MIPOL1: variants seen among roughly 807,000 people sequenced by gnomAD.
MIPOL1 encodes mirror-image polydactyly gene 1 protein.
Under a neutral mutation model 60.9 loss-of-function variants are expected in MIPOL1, and 57 were observed. The ratio of observed to expected loss-of-function variants is 0.94; its 90% CI spans 0.76 to 1.17. The LOEUF (loss-of-function observed/expected upper bound fraction) is 1.17, where lower values mean the gene tolerates loss of function less well. Among genes scored for constraint, MIPOL1 ranks in the 50% most tolerant of loss-of-function variants. MIPOL1 has a pLI of 0.00. For missense variants in MIPOL1, 551 were observed against 511.6 expected (o/e 1.08, Z -0.74); for synonymous variants, 179 against 168.8 (o/e 1.06, Z -0.47).
intron 3 of MIPOL1, among the ~76,000 whole-genome samples, chr14:37,248,207 CA>C (rs1973489818): frequency 6.6e-6 from 1 of 151,660 alleles, no homozygotes; most frequent in Non-Finnish European, 1.5e-5. Context: ...AACACGCCTA[CA>C]TACAAAGAGA....
At chr14:37,226,304 A>G (rs956506010) in intron 1 of MIPOL1, among the ~76,000 whole-genome samples, 1 of 152,230 alleles carries the variant, frequency 6.6e-6, no homozygotes, top group Non-Finnish European at 1.5e-5. Context: ...TGATAAAGGC[A>G]CACCCAAGAC....
chr14:37,414,157 C>A (rs191024499), intron 10 of MIPOL1, among the ~76,000 whole-genome samples: 11 of 152,170 alleles, frequency 7.2e-5, no homozygotes, highest in East Asian at 1.9e-4. Context: ...ATAATATAAT[C>A]TTTAATAATA....
chr14:37,474,347 GT>G (rs1298349172), intron 11 of MIPOL1, among the ~76,000 whole-genome samples: 4 of 152,134 alleles, frequency 2.6e-5, no homozygotes, highest in African/African-American at 9.7e-5. Flanking sequence ...ATCCAGAATT[GT>G]AGCTCCCGTA....
At chr14:37,216,186 A>G (rs1441151325) in intron 1 of MIPOL1, among the ~76,000 whole-genome samples, 1 of 152,202 alleles carries the variant, frequency 6.6e-6, no homozygotes, top group Non-Finnish European at 1.5e-5. Flanking sequence ...ATGAAAAGAG[A>G]CAATGTCACT....
chr14:37,395,700 C>T (rs1317355735), intron 10 of MIPOL1, among the ~76,000 whole-genome samples: 2 of 152,118 alleles, frequency 1.3e-5, no homozygotes, highest in Non-Finnish European at 2.9e-5. Flanking sequence ...ATATCGTCAG[C>T]AAACAGTGAC....
At position 37,436,136 on chromosome 14, in the gene MIPOL1, T is replaced by C. The variant is rs2094159899; in HGVS notation, c.1031+13187T>C. Among the ~76,000 whole-genome samples, 6 of 152,274 alleles carry C rather than the reference T, an allele frequency of 3.9e-5. No individual in the cohort carries two copies. The South Asian group carries it at 1.2e-3, about 32-fold the overall frequency. On this transcript the variant is annotated intron_variant, in intron 11 of 12. Coordinates refer to ENST00000684589, the MANE Select transcript of MIPOL1 (RefSeq NM_001388067.1). Reference sequence around the variant, plus strand: ...TTTTACATGGCACTAATTCAAGCAGTTTTTAAAAGTAAAATAAGATGTTAA... The same window carrying C: ...TTTTACATGGCACTAATTCAAGCAGCTTTTAAAAGTAAAATAAGATGTTAA...
chr14:37,340,708 AG>A (rs1277259257), intron 9 of MIPOL1, among the ~76,000 whole-genome samples: 1 of 152,024 alleles, frequency 6.6e-6, no homozygotes, highest in African/African-American at 2.4e-5. Flanking sequence ...AAAAAAAAAA[AG>A]TTACAGTAAA....
chr14:37,323,952 T>C (rs1301491161), intron 9 of MIPOL1, among the ~76,000 whole-genome samples: 1 of 152,078 alleles, frequency 6.6e-6, no homozygotes, highest in African/African-American at 2.4e-5. Flanking sequence ...TTACATTTGT[T>C]GTTCATTCTC....
intron 1 of MIPOL1, among the ~76,000 whole-genome samples, chr14:37,225,023 A>T (rs1022434335): frequency 6.6e-6 from 1 of 152,188 alleles, no homozygotes; most frequent in African/African-American, 2.4e-5. Flanking sequence ...TTAAAGTTCC[A>T]GAATGATCTC....
intron 3 of MIPOL1, among the ~76,000 whole-genome samples, chr14:37,263,799 G>A (rs1425079247): frequency 6.6e-6 from 1 of 152,188 alleles, no homozygotes; most frequent in Non-Finnish European, 1.5e-5. Context: ...TTACTAAAGA[G>A]AGTTTCCGTT....
chr14:37,326,074 C>G (rs919481385), intron 9 of MIPOL1, among the ~76,000 whole-genome samples: 2 of 152,090 alleles, frequency 1.3e-5, no homozygotes, highest in African/African-American at 4.8e-5. Context: ...CTATTTTTAT[C>G]CCTTAATTCT....
At chr14:37,415,285 T>C (rs1035544613) in intron 10 of MIPOL1, among the ~76,000 whole-genome samples, 4 of 152,096 alleles carry the variant, frequency 2.6e-5, no homozygotes, top group African/African-American at 9.7e-5. Flanking sequence ...CTTGTACCAA[T>C]TTATTTAAAT....
intron 11 of MIPOL1, among the ~76,000 whole-genome samples, chr14:37,431,501 T>C (rs1055974644): frequency 1.3e-5 from 2 of 149,662 alleles, no homozygotes; most frequent in African/African-American, 2.4e-5. Context: ...ACATTACATA[T>C]ATAATAAAGT....
At chr14:37,328,532 A>G (rs1326619414) in intron 9 of MIPOL1, among the ~76,000 whole-genome samples, 1 of 152,242 alleles carries the variant, frequency 6.6e-6, no homozygotes, top group Non-Finnish European at 1.5e-5. Flanking sequence ...TTAAAAAAAT[A>G]TGCAAAATTC....
chr14:37,541,539 T>C (rs148150576), intron 12 of MIPOL1, among the ~76,000 whole-genome samples: 12 of 152,372 alleles, frequency 7.9e-5, no homozygotes, highest in African/African-American at 2.9e-4. Context: ...TAGCTTTAGC[T>C]AGATCATCAA....
intron 2 of MIPOL1, 81 bp from the exon 3 acceptor site, chr14:37,247,748 C>G: frequency 2.9e-6 from 2 of 684,946 alleles, no homozygotes; most frequent in East Asian, 2.9e-5. Context: ...CCTGTAAATT[C>G]TCTGTTAAAC....
At chr14:37,389,742 T>C (rs1441163697) in intron 10 of MIPOL1, among the ~76,000 whole-genome samples, 1 of 150,904 alleles carries the variant, frequency 6.6e-6, no homozygotes, top group Admixed American at 6.7e-5. Context: ...TGGAGAGCCA[T>C]TGTCTGGTAT....
chr14:37,294,867 T>C (rs2085472604), intron 7 of MIPOL1, among the ~76,000 whole-genome samples: 1 of 152,056 alleles, frequency 6.6e-6, no homozygotes, highest in South Asian at 2.1e-4. Flanking sequence ...GGAATCAAGT[T>C]GGAAAACACT....
chr14:37,520,024 G>C (rs1356953653), intron 12 of MIPOL1, among the ~76,000 whole-genome samples: 1 of 151,904 alleles, frequency 6.6e-6, no homozygotes, highest in Non-Finnish European at 1.5e-5. Flanking sequence ...CTATCAACAG[G>C]GGCCTGATTG....
Sources: gnomAD v4.1 joint callset for allele counts (sites outside exome capture counted in the v4.1 genomes callset) on GRCh38, gnomAD v4.1.1 for gene constraint, MANE v1.5 for transcripts, NCBI Gene and HGNC (gene_info 2026-07-23, HGNC 2026-07-21) for gene names.